Variants in EXD3 observed in about 807,000 individuals in gnomAD.
EXD3 encodes exonuclease 3'-5' domain containing 3.
Under a neutral mutation model 98.0 loss-of-function variants are expected in EXD3, and 92 were observed. The observed-to-expected ratio is 0.94, with a 90% CI of 0.79 to 1.12. The LOEUF is 1.12. Ranked by LOEUF, EXD3 falls within the 50% of genes most tolerant of loss-of-function variation. EXD3 has a pLI of 0.00. For missense variants in EXD3, 1,222 were observed against 1,191.6 expected (o/e 1.03, Z -0.38); for synonymous variants, 569 against 526.0 (o/e 1.08, Z -1.12).
intron 19 of EXD3, 121 bp from the exon 20 acceptor site, chr9:137,309,821 T>C: frequency 1.4e-6 from 1 of 724,390 alleles, no homozygotes; most frequent in South Asian, 1.6e-5. Context: ...AGACAGATAA[T>C]GGGTCCCCTC....
intron 17 of EXD3, chr9:137,345,670 AAAAAAGG>A (rs1833888683): frequency 6.6e-6 from 1 of 151,760 alleles, no homozygotes; most frequent in Non-Finnish European, 1.5e-5. Flanking sequence ...TCAAAAAAAA[AAAAAAGG>A]AAAGAAAAGA....
chr9:137,400,720 G>A (rs1003576372), intron 1 of EXD3, among the ~76,000 whole-genome samples: 14 of 151,662 alleles, frequency 9.2e-5, no homozygotes, highest in South Asian at 2.1e-4. Context: ...AGCCGAGATC[G>A]CGCCATTGCA....
At chr9:137,321,748 C>A (rs776516096) in intron 19 of EXD3, among the ~76,000 whole-genome samples, 5 of 152,144 alleles carry the variant, frequency 3.3e-5, no homozygotes, top group Non-Finnish European at 4.4e-5. Flanking sequence ...CTGCTCCAGG[C>A]GGAATATTGA....
chr9:137,322,644 C>T (rs1588242993), intron 19 of EXD3, among the ~76,000 whole-genome samples: 1 of 132,300 alleles, frequency 7.6e-6, no homozygotes, highest in Admixed American at 7.6e-5. Flanking sequence ...GCTCTGCCGA[C>T]ACCTCACCCC....
chr9:137,321,139 C>G (rs187777839), intron 19 of EXD3, among the ~76,000 whole-genome samples: 1 of 152,256 alleles, frequency 6.6e-6, no homozygotes, highest in Non-Finnish European at 1.5e-5. Context: ...CGAGCCGAGC[C>G]GGAGCTTTCC....
intron 2 of EXD3, among the ~76,000 whole-genome samples, chr9:137,388,998 C>T (rs1277399533): frequency 2.6e-5 from 4 of 152,210 alleles, no homozygotes; most frequent in Non-Finnish European, 5.9e-5. Context: ...CCCCATGGCA[C>T]CTCCCGCAGG....
Position 137,366,482 on chromosome 9 carries a change from A to G in EXD3, c.656+11T>C. On this transcript the variant is annotated intron_variant, in intron 7 of 21. Transcript: ENST00000340951. ...ATCTGGTGCCAGCTGCCAGCGCCCC[A>G]CGGGACTCACCTGGCAACGTCCTTG... is the stretch of plus-strand genomic sequence containing the variant. The G allele has an allele frequency of 6.5e-7, 1 of 1,545,596 alleles. No homozygotes were observed. Among genetic ancestry groups the G allele is most frequent in the Non-Finnish European group, 8.7e-7 (1 of 1,143,318 alleles).
chr9:137,366,326 C>T lies in EXD3; in HGVS notation c.656+167G>A, dbSNP rs1588358067. ...TCCTGCCAGCCCCAGCCGCTCCTCT[C>T]CAGAGGCAGCTGCTCCAGCTGCAGT... On this transcript the variant is annotated intron_variant, in intron 7 of 21. Coordinates refer to ENST00000340951, the MANE Select transcript of EXD3 (RefSeq NM_017820.5). The T allele has an allele frequency of 7.0e-6, 7 of 997,804 alleles. No individual in the cohort carries two copies. In the East Asian group the frequency reaches 1.3e-4, roughly 19 times the overall value. 61.8% of individuals were successfully genotyped at this position (997,804 alleles called of 1,614,324 possible).
chr9:137,333,040 G>A (rs1430284455), intron 17 of EXD3, among the ~76,000 whole-genome samples: 8 of 152,270 alleles, frequency 5.3e-5, no homozygotes, highest in African/African-American at 1.4e-4. Context: ...AGTGGGCACC[G>A]TCTAATCAGC....
At chr9:137,396,125 G>A (rs1318974355) in intron 1 of EXD3, among the ~76,000 whole-genome samples, 2 of 151,980 alleles carry the variant, frequency 1.3e-5, no homozygotes, top group Non-Finnish European at 2.9e-5. Context: ...GCGCCATCAC[G>A]CCTGGCTAAT....
chr9:137,405,711 G>A lies in EXD3; in HGVS notation c.-47-10307C>T, dbSNP rs1837683071. ...TTTGATTTTCTTACATCACATTGAA[G>A]TAGATCAAGTTCCTGATAAATGTTA... On this transcript the variant is annotated intron_variant, in intron 1 of 21. Coordinates refer to ENST00000340951, the MANE Select transcript of EXD3 (RefSeq NM_017820.5). The surrounding 1 kb of genome is among the most constrained non-coding windows in gnomAD (Gnocchi z 4.1). Among the ~76,000 whole-genome samples, 1 of 152,228 alleles carries A rather than the reference G, an allele frequency of 6.6e-6. No homozygotes were observed. Among genetic ancestry groups the A allele is most frequent in the Non-Finnish European group, 1.5e-5 (1 of 68,046 alleles).
chr9:137,361,367 G>A lies in EXD3; in HGVS notation c.657-4999C>T, dbSNP rs1192071757. 8.1e-5 allele frequency among the ~76,000 whole-genome samples: 7 copies of A among 86,546 alleles called. 3 individuals carry two copies. The highest frequency in any genetic ancestry group is 2.8e-4 in the Admixed American group (2 of 7,242). The allele number at this position is 86,546 out of a possible 152,430, so 56.8% of individuals were successfully genotyped here. On this transcript the variant is annotated intron_variant, in intron 7 of 21. Coordinates refer to ENST00000340951, the MANE Select transcript of EXD3 (RefSeq NM_017820.5). Reference sequence around the variant, plus strand: ...AAGCCTTACAAAGAGCTGGGAACAGGATCTGCTCCCAAGACCCAGAGTTTT... The same window carrying A: ...AAGCCTTACAAAGAGCTGGGAACAGAATCTGCTCCCAAGACCCAGAGTTTT...
At chr9:137,416,158 C>A (rs1212485212) in intron 1 of EXD3, among the ~76,000 whole-genome samples, 1 of 152,254 alleles carries the variant, frequency 6.6e-6, no homozygotes, top group African/African-American at 2.4e-5. Context: ...GCCAGCCACA[C>A]CTGGGACCCA....
chr9:137,416,026 T>C (rs1463147194), intron 1 of EXD3, among the ~76,000 whole-genome samples: 2 of 152,212 alleles, frequency 1.3e-5, no homozygotes, highest in Non-Finnish European at 2.9e-5. Flanking sequence ...CTGGTTTGTA[T>C]TCATGAACAA....
At chr9:137,327,967 T>G (rs983610148) in intron 17 of EXD3, among the ~76,000 whole-genome samples, 1 of 49,708 alleles carries the variant, frequency 2.0e-5, no homozygotes, top group Non-Finnish European at 4.1e-5. Context: ...ATATGATGAG[T>G]AAAAACAACT....
intron 1 of EXD3, among the ~76,000 whole-genome samples, chr9:137,412,103 G>C (rs1838033452): frequency 6.6e-6 from 1 of 152,206 alleles, no homozygotes; most frequent in Non-Finnish European, 1.5e-5. Context: ...CAACCTTGAG[G>C]GCCCTGCAGC....
intron 7 of EXD3, among the ~76,000 whole-genome samples, chr9:137,357,594 G>A (rs910380277): frequency 7.3e-5 from 11 of 151,722 alleles, no homozygotes; most frequent in African/African-American, 1.9e-4. Flanking sequence ...CTTCACAGAC[G>A]CAGTATCTTA....
At chr9:137,367,574 C>A in intron 6 of EXD3, 1 of 225,590 alleles carries the variant, frequency 4.4e-6, no homozygotes, top group Non-Finnish European at 8.8e-6. Context: ...TTCCCCCAGC[C>A]CACTGCACGG....
chr9:137,318,698 G>A (rs1831852571), intron 19 of EXD3, among the ~76,000 whole-genome samples: 1 of 152,118 alleles, frequency 6.6e-6, no homozygotes, highest in African/African-American at 2.4e-5. Context: ...TGGGCCGGTG[G>A]GCCATCCTCG....
Sources: gnomAD v4.1 joint callset for allele counts (sites outside exome capture counted in the v4.1 genomes callset) on GRCh38, gnomAD v4.1.1 for gene constraint, Gnocchi (gnomAD v3.1) non-coding constraint, MANE v1.5 for transcripts, NCBI Gene and HGNC (gene_info 2026-07-23, HGNC 2026-07-21) for gene names.